Variants in UPRT observed in about 807,000 individuals in gnomAD.
UPRT encodes uracil phosphoribosyltransferase homolog.
Under a neutral mutation model 22.6 loss-of-function variants are expected in UPRT, and 5 were observed. That is an observed-to-expected ratio of 0.22 (90% CI 0.12 to 0.47). UPRT has a LOEUF of 0.47. Among genes scored for constraint, UPRT ranks in the 20% least tolerant of loss-of-function variants. The pLI, the probability that UPRT is intolerant of heterozygous loss-of-function variation, is 0.99. For missense variants in UPRT, 181 were observed against 239.9 expected (o/e 0.75, Z 1.62); for synonymous variants, 77 against 87.7 (o/e 0.88, Z 0.68).
chrX:75,180,700 T>TTG (rs2082267349), intron 4 of UPRT, among the ~76,000 whole-genome samples: 2 of 93,260 alleles, frequency 2.1e-5, no homozygotes, highest in African/African-American at 7.8e-5. Flanking sequence ...TTTTTGTTTT[T>TTG]TTTTTTTTTT....
upstream of UPRT, among the ~76,000 whole-genome samples, chrX:75,272,468 G>T (rs182937925): frequency 0.024 from 2,588 of 106,282 alleles, 33 homozygotes; most frequent in Non-Finnish European, 0.041. Flanking sequence ...TATTCTAAGT[G>T]AAGTAACTCA....
At chrX:75,210,231 G>A (rs778628501) in intron 4 of UPRT, among the ~76,000 whole-genome samples, 115 of 111,677 alleles carry the variant, frequency 1.0e-3, no homozygotes, top group Non-Finnish European at 2.0e-3. Flanking sequence ...TCCCTATTGG[G>A]TTATGAGCAA....
chrX:75,162,597 A>G (rs1443263317), intron 2 of UPRT, among the ~76,000 whole-genome samples: 1 of 111,668 alleles, frequency 9.0e-6, no homozygotes, highest in Non-Finnish European at 1.9e-5. Context: ...TGAGTGTGAC[A>G]TCAATTTTTA....
chrX:75,168,831 G>A (rs572271199), intron 4 of UPRT, among the ~76,000 whole-genome samples: 115 of 111,589 alleles, frequency 1.0e-3, no homozygotes, highest in Middle Eastern at 4.6e-3. Context: ...GCCTGGCTGT[G>A]AGTAAGTTCT....
intron 2 of UPRT, among the ~76,000 whole-genome samples, chrX:75,162,758 T>G (rs1167481544): frequency 1.8e-5 from 2 of 111,726 alleles, no homozygotes; most frequent in African/African-American, 6.5e-5. Context: ...CAGAATCAGA[T>G]TTTTTTAAAG....
chrX:75,159,455 T>C (rs2082192482), intron 1 of UPRT, among the ~76,000 whole-genome samples: 1 of 112,086 alleles, frequency 8.9e-6, no homozygotes, highest in African/African-American at 3.2e-5. Flanking sequence ...TATCAAAATA[T>C]CACATGTACT....
intron 4 of UPRT, among the ~76,000 whole-genome samples, chrX:75,190,163 G>T (rs937216782): frequency 1.8e-5 from 2 of 111,620 alleles, no homozygotes; most frequent in Non-Finnish European, 3.8e-5. Flanking sequence ...GCTCTTGTAG[G>T]GTGGGCCTGG....
chrX:75,268,617 T>A lies in UPRT; in HGVS notation c.-446-22407T>A, dbSNP rs183669951. Among the ~76,000 whole-genome samples the A allele has an allele frequency of 7.3e-4, 82 of 111,903 alleles. 1 individual carries two copies. Among genetic ancestry groups the A allele is most frequent in the African/African-American group, 2.5e-3 (78 of 30,838 alleles). ...GGCTGGTTCAACATATGCAAATCAA[T>A]AAATGTAACTCATCAGATAAACAGA... On this transcript the variant is annotated intron_variant, in intron 4 of 13. Coordinates refer to the UPRT transcript ENST00000652605.
intron 1 of UPRT, among the ~76,000 whole-genome samples, chrX:75,281,434 T>G (rs2082656310): frequency 8.9e-6 from 1 of 111,747 alleles, no homozygotes; most frequent in African/African-American, 3.3e-5. Flanking sequence ...TTAAGTTGTG[T>G]CCTTTCTATG....
chrX:75,189,773 A>T (rs935683014), intron 4 of UPRT, among the ~76,000 whole-genome samples: 1 of 111,728 alleles, frequency 9.0e-6, no homozygotes, highest in African/African-American at 3.3e-5. Flanking sequence ...TGTTGGCTTA[A>T]AGTCTGTTTT....
At chrX:75,156,786 A>G (rs1185839986) in intron 1 of UPRT, 2 of 328,290 alleles carry the variant, frequency 6.1e-6, no homozygotes, top group Admixed American at 3.1e-5. Context: ...AGGAGGCTTC[A>G]GCTGTAAGAT....
chrX:75,287,994 A>C (rs180914632), intron 1 of UPRT, among the ~76,000 whole-genome samples: 189 of 111,688 alleles, frequency 1.7e-3, no homozygotes, highest in Non-Finnish European at 2.9e-3. Context: ...CAAAGGTGAC[A>C]TTACAAATAA....
rs375063167 is a variant in UPRT at position 75,196,692 on chromosome X, C to A, written c.-447+28813C>A. On this transcript the variant is annotated intron_variant, in intron 4 of 13. Transcript: ENST00000652605. ...CAAAGCCTTGTTTCTACTAAAAATA[C>A]ACAAATTAGCTGGGCACAGTGGCAC... 2.3e-4 allele frequency among the ~76,000 whole-genome samples: 26 copies of A among 111,284 alleles called. No homozygotes were observed. The East Asian group carries it at 4.8e-3, about 21-fold the overall frequency.
chrX:75,292,538 G>A (rs2082712076), intron 1 of UPRT, among the ~76,000 whole-genome samples: 1 of 111,475 alleles, frequency 9.0e-6, no homozygotes, highest in Non-Finnish European at 1.9e-5. Flanking sequence ...GCAACTTGAG[G>A]CAAAAGAGTG....
chrX:75,277,542 C>T (rs1180219451), intron 1 of UPRT, among the ~76,000 whole-genome samples: 1 of 110,328 alleles, frequency 9.1e-6, no homozygotes, highest in Non-Finnish European at 1.9e-5. Flanking sequence ...CACATGGAGC[C>T]CCTGGGAGGC....
chrX:75,161,041 A>C (rs1468780626), intron 2 of UPRT, among the ~76,000 whole-genome samples: 1 of 112,467 alleles, frequency 8.9e-6, no homozygotes, highest in Non-Finnish European at 1.9e-5. Flanking sequence ...TACTATTGAG[A>C]TTTTAGGAGA....
chrX:75,211,906 C>T (rs961801035), intron 4 of UPRT, among the ~76,000 whole-genome samples: 6 of 111,389 alleles, frequency 5.4e-5, no homozygotes, highest in Admixed American at 4.8e-4. Context: ...CAGAGCCCAC[C>T]GTGGCTTATA....
intron 4 of UPRT, among the ~76,000 whole-genome samples, chrX:75,230,067 G>T (rs2082433685): frequency 1.8e-5 from 2 of 111,953 alleles, no homozygotes; most frequent in Non-Finnish European, 3.8e-5. Context: ...CTCTGCTATT[G>T]GTGGGGCACA....
At chrX:75,289,989 G>T (rs763966449) in intron 1 of UPRT, among the ~76,000 whole-genome samples, 5 of 111,773 alleles carry the variant, frequency 4.5e-5, no homozygotes, top group African/African-American at 6.5e-5. Context: ...CACAGCAAAA[G>T]AAACTATCAA....
Sources: allele counts gnomAD v4.1 joint callset (sites outside exome capture counted in the v4.1 genomes callset), GRCh38; gene constraint gnomAD v4.1.1; transcripts MANE v1.5; gene names NCBI Gene and HGNC (gene_info 2026-07-23, HGNC 2026-07-21).